The following SENP3 variants were observed in gnomAD, a reference collection of about 807,000 sequenced individuals.
The protein encoded by SENP3 is SUMO specific peptidase 3.
Under a neutral mutation model 66.2 loss-of-function variants are expected in SENP3, and 11 were observed. The observed-to-expected ratio is 0.17, with a 90% CI of 0.10 to 0.28. The LOEUF (loss-of-function observed/expected upper bound fraction) is 0.28. SENP3 is among the 10% of genes least tolerant of loss of function. The pLI is 1.00. For missense variants in SENP3, 548 were observed against 743.7 expected (o/e 0.74, Z 3.06); for synonymous variants, 292 against 277.6 (o/e 1.05, Z -0.52).
intron 4 of SENP3, 89 bp from the exon 5 acceptor site, chr17:7,565,351 G>C (rs951035991): frequency 1.6e-5 from 24 of 1,492,844 alleles, no homozygotes; most frequent in African/African-American, 4.2e-5. Context: ...AAGGGAGTCA[G>C]TTAGAATTTG....
Sources: gnomAD v4.1 joint callset for allele counts on GRCh38, gnomAD v4.1.1 for gene constraint, MANE v1.5 for transcripts, NCBI Gene and HGNC (gene_info 2026-07-23, HGNC 2026-07-21) for gene names.